Variants in FOXP2 observed in about 807,000 individuals in gnomAD.
FOXP2 encodes forkhead box protein P2.
Under a neutral mutation model 115.8 loss-of-function variants are expected in FOXP2, and 12 were observed. The observed-to-expected ratio is 0.10, with a 90% CI of 0.07 to 0.17. The LOEUF (loss-of-function observed/expected upper bound fraction) is 0.17, where lower values mean the gene tolerates loss of function less well. FOXP2 is among the 10% of genes least tolerant of loss of function. FOXP2 has a pLI of 1.00. For missense variants in FOXP2, 629 were observed against 843.5 expected (o/e 0.75, Z 3.15); for synonymous variants, 328 against 297.7 (o/e 1.10, Z -1.05).
intron 12 of FOXP2, 28 bp downstream of exon 12, chr7:114,659,460 T>A (rs1373541402): frequency 3.7e-6 from 6 of 1,602,524 alleles, no homozygotes; most frequent in Non-Finnish European, 5.1e-6. Context: ...TAACTTTGCC[T>A]GATTAAATTA....
At chr7:114,559,047 A>T (rs548794142) in intron 3 of FOXP2, among the ~76,000 whole-genome samples, 1 of 151,922 alleles carries the variant, frequency 6.6e-6, no homozygotes, top group Non-Finnish European at 1.5e-5. Flanking sequence ...TTTTTCAAAA[A>T]CGCTTAAACT....
intron 2 of FOXP2, among the ~76,000 whole-genome samples, chr7:114,330,399 G>A (rs1251563257): frequency 1.3e-5 from 2 of 150,960 alleles, no homozygotes; most frequent in Non-Finnish European, 2.9e-5. Flanking sequence ...CTGGGTGGCT[G>A]AAGCAGGAGG....
At chr7:114,614,784 T>A (rs1335357868) in intron 3 of FOXP2, among the ~76,000 whole-genome samples, 3 of 152,202 alleles carry the variant, frequency 2.0e-5, no homozygotes, top group African/African-American at 7.2e-5. Context: ...TATGTAGGAA[T>A]AATCTGTCCA....
intron 2 of FOXP2, among the ~76,000 whole-genome samples, chr7:114,298,144 A>G (rs1208652193): frequency 6.6e-6 from 1 of 152,198 alleles, no homozygotes; most frequent in Non-Finnish European, 1.5e-5. Flanking sequence ...TTACATGGAA[A>G]TCTGACAAAG....
chr7:114,565,100 A>AT (rs34273757), intron 3 of FOXP2, among the ~76,000 whole-genome samples: 113 of 145,766 alleles, frequency 7.8e-4, no homozygotes, highest in South Asian at 2.2e-3. Flanking sequence ...TATGCAACCA[A>AT]TTTTTTTTTT....
At chr7:114,424,582 T>G (rs1479919245) in intron 1 of FOXP2, among the ~76,000 whole-genome samples, 2 of 151,516 alleles carry the variant, frequency 1.3e-5, no homozygotes, top group Admixed American at 6.6e-5. Context: ...CATGTAAAAT[T>G]TATGCCTAAT....
chr7:114,286,011 G>T (rs995248600), intron 1 of FOXP2, among the ~76,000 whole-genome samples: 2 of 151,806 alleles, frequency 1.3e-5, no homozygotes, highest in African/African-American at 2.4e-5. Context: ...TTACATGTGT[G>T]TCTCAAAAAT....
intron 16 of FOXP2, among the ~76,000 whole-genome samples, chr7:114,677,779 G>A (rs1468925122): frequency 1.3e-5 from 2 of 152,140 alleles, no homozygotes; most frequent in East Asian, 1.9e-4. Context: ...CCTGTAAAAC[G>A]GTGAGATTAA....
chr7:114,102,717 C>G (rs1384333407), intron 1 of FOXP2, among the ~76,000 whole-genome samples: 6 of 151,082 alleles, frequency 4.0e-5, no homozygotes, highest in African/African-American at 1.5e-4. Context: ...CACACACACA[C>G]ACACACACAC....
At chr7:114,184,146 T>A (rs970260446) in intron 1 of FOXP2, among the ~76,000 whole-genome samples, 10 of 152,222 alleles carry the variant, frequency 6.6e-5, no homozygotes, top group Admixed American at 1.3e-4. Context: ...GTTACTATTT[T>A]GCCATCTTTT....
intron 1 of FOXP2, among the ~76,000 whole-genome samples, chr7:114,169,259 C>A (rs1793070032): frequency 6.6e-6 from 1 of 152,222 alleles, no homozygotes; most frequent in Non-Finnish European, 1.5e-5. Flanking sequence ...CACTCAATGC[C>A]AGCTGGTGAA....
chr7:114,211,596 G>C (rs1794352266), intron 1 of FOXP2, among the ~76,000 whole-genome samples: 1 of 152,186 alleles, frequency 6.6e-6, no homozygotes. Flanking sequence ...TGTGAGTGCT[G>C]TGGACTGCAG....
intron 2 of FOXP2, among the ~76,000 whole-genome samples, chr7:114,331,551 G>A (rs1489857804): frequency 6.6e-6 from 1 of 152,112 alleles, no homozygotes; most frequent in Non-Finnish European, 1.5e-5. Flanking sequence ...GGAGGAAAAC[G>A]TGTCAGCTTC....
At chr7:114,148,560 G>A (rs1792444246) in intron 1 of FOXP2, among the ~76,000 whole-genome samples, 1 of 152,130 alleles carries the variant, frequency 6.6e-6, no homozygotes, top group African/African-American at 2.4e-5. Context: ...ATTAGTTGGT[G>A]CAGAGGAAGA....
chr7:114,496,132 A>C (rs1429900803), intron 2 of FOXP2, among the ~76,000 whole-genome samples: 1 of 152,172 alleles, frequency 6.6e-6, no homozygotes, highest in Non-Finnish European at 1.5e-5. Flanking sequence ...TTTTTAGAAA[A>C]AAAATCTATA....
chr7:114,493,884 T>G (rs1797186721), intron 2 of FOXP2, among the ~76,000 whole-genome samples: 1 of 151,910 alleles, frequency 6.6e-6, no homozygotes, highest in Admixed American at 6.6e-5. Context: ...AAAAGTAGTC[T>G]TTTCTGACAG....
chr7:114,211,960 C>A (rs973263246), intron 1 of FOXP2, among the ~76,000 whole-genome samples: 5 of 151,942 alleles, frequency 3.3e-5, no homozygotes, highest in African/African-American at 4.8e-5. Context: ...GTAATCCCAG[C>A]TACTCGGGAG....
intron 1 of FOXP2, among the ~76,000 whole-genome samples, chr7:114,214,212 G>C (rs1794430597): frequency 6.6e-6 from 1 of 151,946 alleles, no homozygotes; most frequent in African/African-American, 2.4e-5. Context: ...ATTTTACTTA[G>C]GCACAGAGAG....
chr7:114,098,988 A>G (rs1799711980), intron 1 of FOXP2, among the ~76,000 whole-genome samples: 1 of 152,124 alleles, frequency 6.6e-6, no homozygotes, highest in Non-Finnish European at 1.5e-5. Flanking sequence ...TGCAAAAATT[A>G]GCCGGGCATG....
Sources: gnomAD v4.1 joint callset for allele counts (sites outside exome capture counted in the v4.1 genomes callset) on GRCh38, gnomAD v4.1.1 for gene constraint, MANE v1.5 for transcripts, NCBI Gene and HGNC (gene_info 2026-07-23, HGNC 2026-07-21) for gene names.